Variants in SAMD8 observed in about 807,000 individuals in gnomAD.
The protein encoded by SAMD8 is sterile alpha motif domain containing 8, also known as sphingomyelin synthase-related protein 1.
Under a neutral mutation model 42.0 loss-of-function variants are expected in SAMD8, and 20 were observed. The observed-to-expected ratio is 0.48, with a 90% CI of 0.34 to 0.69. The LOEUF (loss-of-function observed/expected upper bound fraction) is 0.69. Ranked by LOEUF, SAMD8 falls within the 30% of genes least tolerant of loss-of-function variation. SAMD8 has a pLI of 0.01. For synonymous variants in SAMD8, 162 were observed against 173.0 expected, an observed-to-expected ratio of 0.94 and a Z score of 0.50; for missense variants, 328 against 511.6, an observed-to-expected ratio of 0.64 and a Z score of 3.46.
intron 1 of SAMD8, among the ~76,000 whole-genome samples, chr10:75,120,118 T>C (rs1263362985): frequency 6.6e-6 from 1 of 152,152 alleles, no homozygotes; most frequent in Non-Finnish European, 1.5e-5. Context: ...TTTGGTCTCT[T>C]GTGTGTTGGT....
chr10:75,152,528 A>G (rs1396404840), intron 2 of SAMD8, among the ~76,000 whole-genome samples: 2 of 148,484 alleles, frequency 1.3e-5, no homozygotes, highest in African/African-American at 5.0e-5. Flanking sequence ...TCTCAAAAAA[A>G]AAAAAAAGAA....
In SAMD8 at chr10:75,105,616, C is replaced by A. The variant is rs1218423306; in HGVS notation, c.-16+5888C>A. 2.6e-6 allele frequency: 4 copies of A among 1,520,230 alleles called. No homozygotes were observed. In the South Asian group the frequency reaches 4.8e-5, roughly 18 times the overall value. The allele number at this position is 1,520,230 out of a possible 1,614,324, so 94.2% of individuals were successfully genotyped here. ...GTCTGCAGCCTAGGCCCTCACCTGGCCTCTTCCGGCCAACCACATCCAGCT... is the reference window on the plus strand; with the variant it reads ...GTCTGCAGCCTAGGCCCTCACCTGGACTCTTCCGGCCAACCACATCCAGCT... On this transcript the variant is annotated intron_variant, in intron 1 of 3. Transcript: ENST00000447533.
At position 75,150,596 on chromosome 10, in the gene SAMD8, A is replaced by ATTC; in HGVS notation, c.69_70insTCT (p.Asp23_Glu24insSer). ...AAGCATGTAGCTGTGTGGCTGAAGG[A>ATTC]TGAAGGCTTTTTTGAATATGTGGAC... On this transcript the variant is annotated inframe_insertion, in exon 2 of 6. Transcript: ENST00000542569. The ATTC allele has an allele frequency of 6.2e-7, 1 of 1,614,164 alleles. No homozygotes were observed. The highest frequency in any genetic ancestry group is 8.5e-7 in the Non-Finnish European group (1 of 1,180,026).
At chr10:75,111,207 G>C (rs989007855), upstream of SAMD8, among the ~76,000 whole-genome samples, 1 of 152,230 alleles carries the variant, frequency 6.6e-6, no homozygotes, top group African/African-American at 2.4e-5. Flanking sequence ...GATCATTGGG[G>C]GCTGGCTATT....
At chr10:75,151,921 T>C (rs1840297342) in intron 2 of SAMD8, among the ~76,000 whole-genome samples, 1 of 152,098 alleles carries the variant, frequency 6.6e-6, no homozygotes, top group Non-Finnish European at 1.5e-5. Flanking sequence ...ACTCCTGACT[T>C]CAGGCAGTCC....
At chr10:75,150,355 T>G (rs1840257893) in intron 1 of SAMD8, 159 bp from the exon 2 acceptor site, 22 of 739,626 alleles carry the variant, frequency 3.0e-5, no homozygotes, top group Non-Finnish European at 3.6e-5. Context: ...CTCCTGGGCT[T>G]AAGTGATCCT....
At chr10:75,131,114 C>T (rs1254124157) in intron 1 of SAMD8, among the ~76,000 whole-genome samples, 4 of 152,338 alleles carry the variant, frequency 2.6e-5, no homozygotes, top group African/African-American at 4.8e-5. Context: ...TGAGATCCCA[C>T]ATGAAATCAC....
At chr10:75,143,784 T>A (rs1316524531) in intron 1 of SAMD8, among the ~76,000 whole-genome samples, 1 of 152,094 alleles carries the variant, frequency 6.6e-6, no homozygotes, top group African/African-American at 2.4e-5. Context: ...GCTTCTTGGA[T>A]ACACATGTTT....
chr10:75,100,424 C>T lies in SAMD8; in HGVS notation c.-16+696C>T, dbSNP rs373215528. Among the ~76,000 whole-genome samples the T allele has an allele frequency of 2.7e-4, 41 of 152,326 alleles. No homozygotes were observed. In the East Asian group the frequency reaches 2.7e-3, roughly 10 times the overall value. ...AGTCAGAGTCAGGCCCGGCCACCCCCCCAGGGACTCGTCCTTTAAGCCCCA... is the reference window on the plus strand; with the variant it reads ...AGTCAGAGTCAGGCCCGGCCACCCCTCCAGGGACTCGTCCTTTAAGCCCCA... On this transcript the variant is annotated intron_variant, in intron 1 of 3. Coordinates refer to the SAMD8 transcript ENST00000447533.
At chr10:75,138,214 A>G (rs920773915) in intron 1 of SAMD8, among the ~76,000 whole-genome samples, 1 of 152,164 alleles carries the variant, frequency 6.6e-6, no homozygotes, top group African/African-American at 2.4e-5. Context: ...GGAGGAAACG[A>G]CTAGAGGGAG....
chr10:75,173,990 G>C (rs946103351), intron 4 of SAMD8, among the ~76,000 whole-genome samples: 1 of 152,178 alleles, frequency 6.6e-6, no homozygotes, highest in Non-Finnish European at 1.5e-5. Flanking sequence ...AAAGCACTTA[G>C]CAGCATGCCT....
chr10:75,101,784 C>A, intron 1 of SAMD8: 5 of 870,058 alleles, frequency 5.7e-6, no homozygotes, highest in South Asian at 2.6e-5. Flanking sequence ...CCTCCCCACA[C>A]AGGCACAAGT....
chr10:75,164,439 T>A, intron 2 of SAMD8: 2 of 804,572 alleles, frequency 2.5e-6, no homozygotes, highest in Non-Finnish European at 3.0e-6. Flanking sequence ...TAACTGGGAA[T>A]CAATGGACAA....
At chr10:75,109,818 T>TTTCTGTTTTGTTTTG (rs1848721434), upstream of SAMD8, among the ~76,000 whole-genome samples, 1 of 150,084 alleles carries the variant, frequency 6.7e-6, no homozygotes, top group East Asian at 2.0e-4. Flanking sequence ...AAGGTGTTTT[T>TTTCTGTTTTGTTTTG]TTTTGTTTTG....
upstream of SAMD8, among the ~76,000 whole-genome samples, chr10:75,109,865 T>G (rs1482106646): frequency 6.6e-6 from 1 of 151,154 alleles, no homozygotes; most frequent in Non-Finnish European, 1.5e-5. Context: ...TCACCCAGGC[T>G]GGAGTGCAGT....
chr10:75,149,202 G>A (rs576435083), intron 1 of SAMD8, among the ~76,000 whole-genome samples: 119 of 152,080 alleles, frequency 7.8e-4, no homozygotes, highest in African/African-American at 2.8e-3. Flanking sequence ...TTCCATGTAG[G>A]CCTTTGTCTC....
Position 75,176,879 on chromosome 10 carries a change from A to T in SAMD8, c.*187A>T. On this transcript the variant is annotated 3_prime_UTR_variant, in exon 6 of 6. Transcript: ENST00000542569. This position sits in a 1 kb window ranked among gnomAD's most constrained non-coding sequence, Gnocchi z 4.3. ...AACAATCAAGAGTCCTTATGTAGCT[A>T]TTTGAACAGAAAGCTTAAGTAGATG... is the stretch of plus-strand genomic sequence containing the variant. 1 of 544,724 alleles carries T rather than the reference A, an allele frequency of 1.8e-6. No homozygotes were observed. Among genetic ancestry groups the T allele is most frequent in the Non-Finnish European group, 3.2e-6 (1 of 313,016 alleles). The allele number at this position is 544,724 out of a possible 1,614,324, so 33.7% of individuals were successfully genotyped here.
Position 75,175,588 on chromosome 10 carries a change from G to A in SAMD8, c.793-478G>A, listed in dbSNP as rs147418449. On this transcript the variant is annotated intron_variant, in intron 4 of 5. Coordinates refer to ENST00000542569, the MANE Select transcript of SAMD8 (RefSeq NM_001174156.2). ...TTTTGAGACAGAGTCTTACTGTGTC[G>A]CCCAGGCTGGAGTACAGTGGCGCGA... 4.3e-3 allele frequency among the ~76,000 whole-genome samples: 651 copies of A among 151,092 alleles called. 11 individuals are homozygous for A. Among genetic ancestry groups the A allele is most frequent in the African/African-American group, 0.015 (609 of 41,158 alleles).
intron 1 of SAMD8, among the ~76,000 whole-genome samples, chr10:75,112,644 T>C (rs1325638346): frequency 1.3e-5 from 2 of 152,194 alleles, no homozygotes; most frequent in African/African-American, 2.4e-5. Context: ...CTTTTTTTCA[T>C]TGTAATTTTT....
Sources: allele counts gnomAD v4.1 joint callset (sites outside exome capture counted in the v4.1 genomes callset), GRCh38; gene constraint gnomAD v4.1.1; non-coding constraint Gnocchi (gnomAD v3.1); transcripts MANE v1.5; gene names NCBI Gene and HGNC (gene_info 2026-07-23, HGNC 2026-07-21).